LAMB4: variants seen among roughly 807,000 people sequenced by gnomAD.
LAMB4 encodes laminin subunit beta 4, also known as laminin subunit beta-4.
In LAMB4, 196 loss-of-function variants were observed where a neutral mutation model predicts 199.2. The ratio of observed to expected loss-of-function variants is 0.98; its 90% CI spans 0.88 to 1.11. LAMB4 has a LOEUF of 1.11. Among genes scored for constraint, LAMB4 ranks in the 50% least tolerant of loss-of-function variants. The pLI, the probability that LAMB4 is intolerant of heterozygous loss-of-function variation, is 0.00. For synonymous variants in LAMB4, 744 were observed against 770.6 expected, an observed-to-expected ratio of 0.97 and a Z score of 0.57; for missense variants, 2,080 against 2,171.2, an observed-to-expected ratio of 0.96 and a Z score of 0.83.
chr7:108,035,736 A>G (rs752258726), intron 30 of LAMB4, among the ~76,000 whole-genome samples: 4 of 151,800 alleles, frequency 2.6e-5, no homozygotes, highest in Non-Finnish European at 4.4e-5. Context: ...TTTCATGTAT[A>G]GATTGTTACC....
chr7:108,015,222 G>T, the LAMB4 span, among the ~76,000 whole-genome samples: 2 of 152,148 alleles, frequency 1.3e-5, no homozygotes, highest in Admixed American at 1.3e-4. Context: ...ACAATGCAGT[G>T]TGTCTAACAC....
At chr7:108,111,971 A>C (rs1188758521) in intron 3 of LAMB4, 25 bp from the exon 4 acceptor site, 1 of 1,573,944 alleles carries the variant, frequency 6.4e-7, no homozygotes, top group Non-Finnish European at 8.6e-7. Context: ...TATTAAAATT[A>C]AAAATAAAAA....
intron 12 of LAMB4, among the ~76,000 whole-genome samples, chr7:108,093,786 C>A (rs1213707852): frequency 6.6e-6 from 1 of 152,180 alleles, no homozygotes; most frequent in Admixed American, 6.5e-5. Flanking sequence ...TCTTGTTAAG[C>A]ATCCATATTT....
intron 19 of LAMB4, 70 bp from the exon 20 acceptor site, chr7:108,066,670 C>T (rs2036354815): frequency 9.9e-7 from 1 of 1,007,718 alleles, no homozygotes; most frequent in Non-Finnish European, 1.5e-6. Context: ...AGTTACAGTT[C>T]TGGTGTCTCA....
At chr7:108,082,822 T>C (rs933068733) in intron 14 of LAMB4, among the ~76,000 whole-genome samples, 3 of 152,114 alleles carry the variant, frequency 2.0e-5, no homozygotes, top group Non-Finnish European at 2.9e-5. Context: ...AGAGTGCCAC[T>C]CTCAAGACTT....
intron 9 of LAMB4, 74 bp from the exon 10 acceptor site, chr7:108,103,306 A>T: frequency 1.6e-6 from 2 of 1,247,966 alleles, no homozygotes; most frequent in Non-Finnish European, 2.2e-6. Context: ...CGCACTGGTC[A>T]GGGCACCCGC....
rs562166314 is a variant in LAMB4 at position 108,068,032 on chromosome 7, C to T, written c.2430G>A (p.Gly810=). Residue 810 remains glycine (G), a synonymous_variant, in exon 19 of 34, where the codon GGG becomes GGA. Coordinates refer to ENST00000388781, the MANE Select transcript of LAMB4 (RefSeq NM_007356.3). ...GCTACGTACGGTGACAGCCGTGATG[C>T]CCCAAATCATAGCTTCCAGTTGAGC... ...DRCSTGSYDL[G]HHGCHPCHCH... The T allele has an allele frequency of 1.2e-6, 2 of 1,614,176 alleles. No individual in the cohort carries two copies. The highest frequency in any genetic ancestry group is 2.2e-5 in the South Asian group (2 of 91,088).
At chr7:108,095,773 TC>T (rs903430183) in intron 11 of LAMB4, among the ~76,000 whole-genome samples, 1 of 151,880 alleles carries the variant, frequency 6.6e-6, no homozygotes, top group African/African-American at 2.4e-5. Context: ...TTGTCTTAAT[TC>T]CCCCCTCCTT....
chr7:108,047,789 A>C, intron 28 of LAMB4, 119 bp downstream of exon 28: 7 of 775,912 alleles, frequency 9.0e-6, no homozygotes, highest in Non-Finnish European at 1.5e-5. Context: ...AGGCACAAGA[A>C]CACCAACTAT....
In LAMB4 at chr7:108,078,187, G is replaced by A. The variant is rs138113257; in HGVS notation, c.2003+14C>T. On this transcript the variant is annotated intron_variant, in intron 16 of 33. Coordinates refer to ENST00000388781, the MANE Select transcript of LAMB4 (RefSeq NM_007356.3). ...AAGAAGCTTTCAATGTTTGAGGACC[G>A]GTCTGAAACATACCTCGTAGCCGCT... 4.8e-4 allele frequency: 731 copies of A among 1,519,304 alleles called. 4 individuals carry two copies. The African/African-American group carries it at 8.9e-3, about 19-fold the overall frequency. 94.1% of individuals were successfully genotyped at this position (1,519,304 alleles called of 1,614,324 possible). A position where few individuals can be genotyped will look rare whatever the true frequency, so the allele number is the denominator to read the frequency against.
chr7:108,113,245 G>C (rs377573201), intron 3 of LAMB4, among the ~76,000 whole-genome samples: 1 of 152,000 alleles, frequency 6.6e-6, no homozygotes, highest in Non-Finnish European at 1.5e-5. Flanking sequence ...TACAGTTGTT[G>C]GTTTATTGTC....
chr7:108,088,890 G>C (rs1320937429), intron 14 of LAMB4, among the ~76,000 whole-genome samples: 3 of 152,160 alleles, frequency 2.0e-5, no homozygotes, highest in Non-Finnish European at 2.9e-5. Context: ...TGGTCTAAAA[G>C]GAATGTGTGT....
intron 33 of LAMB4, among the ~76,000 whole-genome samples, chr7:108,026,352 C>T (rs2034837814): frequency 1.3e-5 from 2 of 152,180 alleles, no homozygotes; most frequent in South Asian, 4.1e-4. Context: ...CCTCAAGAAC[C>T]TTTCATCCTC....
intron 1 of LAMB4, among the ~76,000 whole-genome samples, chr7:108,126,124 T>C (rs2038769491): frequency 6.6e-6 from 1 of 152,238 alleles, no homozygotes; most frequent in South Asian, 2.1e-4. Flanking sequence ...CCAATAATTC[T>C]GTTAGATCAG....
At chr7:108,097,532 T>A (rs1466876049) in intron 11 of LAMB4, among the ~76,000 whole-genome samples, 1 of 152,238 alleles carries the variant, frequency 6.6e-6, no homozygotes, top group Non-Finnish European at 1.5e-5. Flanking sequence ...ACGCCTGTAA[T>A]CCCAGCACTT....
At chr7:108,099,791 G>T (rs2037754925) in intron 10 of LAMB4, among the ~76,000 whole-genome samples, 1 of 152,194 alleles carries the variant, frequency 6.6e-6, no homozygotes, top group Non-Finnish European at 1.5e-5. Context: ...GAGTTTAGTG[G>T]AAACAATTCA....
At chr7:108,106,463 T>G in intron 7 of LAMB4, 46 bp downstream of exon 7, 4 of 1,147,082 alleles carry the variant, frequency 3.5e-6, no homozygotes, top group Non-Finnish European at 5.1e-6. Context: ...ATGCCAAACA[T>G]GAAATTTTTT....
rs776697829 is a variant in LAMB4, at chr7:108,048,084, A to G, written c.4150T>C (p.Cys1384Arg). The part of the protein sequence containing the change: ...KVCGDPGNVP[C>R]VPLPCGGALC... ...GCACCGCCACAGGGCAAGGGCACAC[A>G]TGGCACATTTCCTGGATCTCCGCAC... is the stretch of plus-strand genomic sequence containing the variant. Residue 1384 changes from cysteine (C) to arginine (R), a missense_variant, in exon 28 of 34, where the codon TGT (cysteine) becomes CGT (arginine). Transcript: ENST00000388781. The G allele has an allele frequency of 1.2e-6, 2 of 1,612,422 alleles. No homozygotes were observed. The highest frequency in any genetic ancestry group is 1.1e-5 in the South Asian group (1 of 91,032).
rs745455501 is a variant in LAMB4 at position 108,098,400 on chromosome 7, T to TA, written c.1360+2dup. The stretch of plus-strand genomic sequence containing the variant: ...CTCCCCCGACCCCCGATTATGGACT[T>TA]ACGCTGGCAGCCCAGGGGGTCGGTG... On this transcript the variant is annotated splice_region_variant and intron_variant, in intron 11 of 33. Transcript: ENST00000388781. The TA allele has an allele frequency of 4.9e-5, 78 of 1,585,890 alleles. 1 individual carries two copies. Among genetic ancestry groups the TA allele is most frequent in the Admixed American group, 4.1e-4 (23 of 56,508 alleles).
Sources: allele counts gnomAD v4.1 joint callset (sites outside exome capture counted in the v4.1 genomes callset), GRCh38; gene constraint gnomAD v4.1.1; transcripts MANE v1.5; gene names NCBI Gene and HGNC (gene_info 2026-07-23, HGNC 2026-07-21).